The following CAMSAP3 variants were observed in gnomAD, a reference collection of about 807,000 sequenced individuals.
CAMSAP3 encodes the protein calmodulin regulated spectrin associated protein family member 3.
Under a neutral mutation model 112.5 loss-of-function variants are expected in CAMSAP3, and 34 were observed. The observed-to-expected ratio is 0.30, with a 90% CI of 0.23 to 0.40. CAMSAP3 has a LOEUF of 0.40. Among genes scored for constraint, CAMSAP3 ranks in the 10% least tolerant of loss-of-function variants. The pLI is 1.00. For synonymous variants in CAMSAP3, 868 were observed against 799.8 expected (o/e 1.09, Z -1.44); for missense variants, 1,602 against 1,770.3 (o/e 0.90, Z 1.71).
chr19:7,611,768 G>A lies in CAMSAP3; in HGVS notation c.1275G>A (p.Val425=). The A allele has an allele frequency of 6.3e-7, 1 of 1,592,542 alleles. No individual in the cohort carries two copies. The highest frequency in any genetic ancestry group is 8.6e-7 in the Non-Finnish European group (1 of 1,169,388). ...TGGATGTCGTCATGGGAGACCCTGT[G>A]CTCCTCCGCTCTGTGAGCTCGGACA... ...SDVDVVMGDP[V]LLRSVSSDSL... is the part of the protein sequence containing the mutation. Residue 425 remains valine, a synonymous_variant, in exon 11 of 17, where the codon GTG becomes GTA. Coordinates refer to ENST00000160298, the MANE Select transcript of CAMSAP3 (RefSeq NM_020902.2). This position sits in a 1 kb window ranked among gnomAD's most constrained non-coding sequence, Gnocchi z 6.9.
At position 7,599,128 on chromosome 19, in the gene CAMSAP3, G is replaced by A. The variant is rs145935066; in HGVS notation, c.148+2978G>A. On this transcript the variant is annotated intron_variant, in intron 1 of 16. Coordinates refer to ENST00000160298, the MANE Select transcript of CAMSAP3 (RefSeq NM_020902.2). ...CCAGGGTACAGTCAGCTATGATCAC[G>A]CCACTGCACTCCAGCCTGGGCAACA... Among the ~76,000 whole-genome samples the A allele has an allele frequency of 2.5e-3, 369 of 149,778 alleles. 3 individuals are homozygous for A. Among genetic ancestry groups the A allele is most frequent in the African/African-American group, 8.8e-3 (358 of 40,652 alleles).
In CAMSAP3 at chr19:7,611,695, T is replaced by C. The variant is rs1252624271; in HGVS notation, c.1202T>C (p.Leu401Pro). 2 of 1,557,828 alleles carry C rather than the reference T, an allele frequency of 1.3e-6. No homozygotes were observed. Among genetic ancestry groups the C allele is most frequent in the Non-Finnish European group, 1.7e-6 (2 of 1,149,252 alleles). ...TCCCTCCGGCCGCCCAGCCGTCCCC[T>C]CTCCCAGGCTGTGTCATTCAGCACC... ...KAWNRQLSRPLSQAVSFSTPF... is the reference protein window; with the variant it reads ...KAWNRQLSRPPSQAVSFSTPF... The change falls in exon 11 of 17, where the codon CTC (leucine) becomes CCC (proline). Residue 401 changes from leucine (L) to proline (P), a missense_variant. Leu to Pro is a moderately conservative substitution (Grantham distance 98). This residue lies in a region of CAMSAP3 where 1,100 missense variants were observed against 1,135.7 expected (regional missense o/e 0.97). Transcript: ENST00000160298. This position sits in a 1 kb window ranked among gnomAD's most constrained non-coding sequence, Gnocchi z 6.9.
At position 7,615,616 on chromosome 19, in the gene CAMSAP3, G is replaced by A. The variant is rs1041372505; in HGVS notation, c.3009G>A (p.Ala1003=). 9.7e-6 allele frequency: 14 copies of A among 1,448,452 alleles called. No homozygotes were observed. The African/African-American group carries it at 1.5e-4, about 15-fold the overall frequency. 89.7% of individuals were successfully genotyped at this position (1,448,452 alleles called of 1,614,324 possible). The change falls in exon 13 of 17, where the codon GCG becomes GCA. Residue 1003 remains alanine, a synonymous_variant. Coordinates refer to ENST00000160298, the MANE Select transcript of CAMSAP3 (RefSeq NM_020902.2). The surrounding 1 kb of genome is among the most constrained non-coding windows in gnomAD (Gnocchi z 6.5). ...DLDKVLRPRA[A]GSGGPGRGGR... ...ATAAGGTGCTGCGGCCCCGGGCTGC[G>A]GGGTCCGGGGGTCCAGGTCGGGGCG... is the stretch of plus-strand genomic sequence containing the variant.
Position 7,615,157 on chromosome 19 carries a change from TGGCTGGACTCGGC to T in CAMSAP3, c.2671-24_2671-12del, listed in dbSNP as rs1319045372. Reference sequence around the variant, plus strand: ...CAGCCATGTTGGGGGAGGGGGTGGCTGGCTGGACTCGGCGTCTGTCCCCAGGATGAAGACAAGC... The same window carrying T: ...CAGCCATGTTGGGGGAGGGGGTGGCTGTCTGTCCCCAGGATGAAGACAAGC... On this transcript the variant is annotated splice_polypyrimidine_tract_variant and intron_variant, in intron 11 of 16. Transcript: ENST00000160298. This position sits in a 1 kb window ranked among gnomAD's most constrained non-coding sequence, Gnocchi z 6.5. 6.4e-7 allele frequency: 1 copy of T among 1,553,108 alleles called. No individual in the cohort carries two copies. Among genetic ancestry groups the T allele is most frequent in the Non-Finnish European group, 8.7e-7 (1 of 1,148,608 alleles).
chr19:7,617,739 C>T lies in CAMSAP3; in HGVS notation c.3445-13C>T, dbSNP rs2030886650. 2 of 1,611,402 alleles carry T rather than the reference C, an allele frequency of 1.2e-6. No individual in the cohort carries two copies. Among genetic ancestry groups the T allele is most frequent in the Non-Finnish European group, 1.7e-6 (2 of 1,177,974 alleles). ...GACTTGGCCAGCTGACCATTTCCAG[C>T]ACTCCTGCCCAGGAAATTGAGAAAA... On this transcript the variant is annotated splice_polypyrimidine_tract_variant and intron_variant, in intron 16 of 16. Transcript: ENST00000160298. This position sits in a 1 kb window ranked among gnomAD's most constrained non-coding sequence, Gnocchi z 7.5.
intron 1 of CAMSAP3, among the ~76,000 whole-genome samples, chr19:7,601,607 G>A (rs1453592683): frequency 6.6e-6 from 1 of 152,060 alleles, no homozygotes; most frequent in Non-Finnish European, 1.5e-5. Flanking sequence ...GCCAGGTGTG[G>A]TAGCACATGC....
intron 13 of CAMSAP3, chr19:7,616,265 G>T (rs1194594092): frequency 2.1e-5 from 9 of 433,762 alleles, no homozygotes; most frequent in Middle Eastern, 6.5e-4. Context: ...TTCTTCTGTG[G>T]CTTCATGGAT....
intron 4 of CAMSAP3, 97 bp from the exon 5 acceptor site, chr19:7,608,029 C>T: frequency 6.8e-7 from 1 of 1,470,346 alleles, no homozygotes; most frequent in African/African-American, 1.4e-5. Context: ...TTCCCGCCCC[C>T]TCATGGCGGA....
chr19:7,605,793 C>T lies in CAMSAP3; in HGVS notation c.402+314C>T, dbSNP rs1025124718. 5.9e-5 allele frequency among the ~76,000 whole-genome samples: 9 copies of T among 151,402 alleles called. No individual in the cohort carries two copies. The South Asian group carries it at 1.0e-3, about 18-fold the overall frequency. On this transcript the variant is annotated intron_variant, in intron 2 of 16. Coordinates refer to ENST00000160298, the MANE Select transcript of CAMSAP3 (RefSeq NM_020902.2). ...CTTCCCTTAAGCTATGTCCATCAAA[C>T]CTAGCTCCTCCTATCATCAGTCTTG... is the stretch of plus-strand genomic sequence containing the variant.
rs762193493 is a variant in CAMSAP3 at position 7,612,908 on chromosome 19, C to G, written c.2415C>G (p.Asp805Glu). The G allele has an allele frequency of 5.0e-6, 8 of 1,609,660 alleles. No homozygotes were observed. Among genetic ancestry groups the G allele is most frequent in the Non-Finnish European group, 8.5e-7 (1 of 1,179,160 alleles). ...TRVLTPPHDV[D>E]SLPHLRKFSP... ...TGCTTACGCCACCCCACGACGTAGA[C>G]AGCCTCCCCCACCTGCGCAAGTTCT... is the stretch of plus-strand genomic sequence containing the variant. Residue 805 changes from aspartate to glutamate, a missense_variant, in exon 11 of 17, where the codon GAC becomes GAG. Transcript: ENST00000160298.
intron 2 of CAMSAP3, among the ~76,000 whole-genome samples, chr19:7,605,743 G>A (rs772691350): frequency 6.6e-6 from 1 of 151,108 alleles, no homozygotes; most frequent in Non-Finnish European, 1.5e-5. Flanking sequence ...TATCCATTAA[G>A]CCTAGCTCCT....
intron 11 of CAMSAP3, among the ~76,000 whole-genome samples, chr19:7,614,259 C>CAAAAAAAAAAAAAAAAAAAAAAAA (rs1173068955): frequency 1.6e-4 from 3 of 18,766 alleles, no homozygotes; most frequent in African/African-American, 2.6e-4. Flanking sequence ...GACTCCATCT[C>CAAAAAAAAAAAAAAAAAAAAAAAA]AAAAAAAAAA....
In CAMSAP3 at chr19:7,615,220, G is replaced by C; in HGVS notation, c.2708G>C (p.Arg903Pro). The change falls in exon 12 of 17, where the codon CGG (arginine) becomes CCG (proline). Residue 903 changes from arginine (R) to proline (P), a missense_variant. Transcript: ENST00000160298. This position sits in a 1 kb window ranked among gnomAD's most constrained non-coding sequence, Gnocchi z 6.5. The part of the protein sequence containing the change: ...DKPEDEMAQK[R>P]ASLLERQQRR... Reference sequence around the variant, plus strand: ...CCTGAGGACGAGATGGCCCAAAAGCGGGCCAGCCTGCTGGAGCGGCAGCAG... The same window carrying C: ...CCTGAGGACGAGATGGCCCAAAAGCCGGCCAGCCTGCTGGAGCGGCAGCAG... 1 of 1,552,726 alleles carries C rather than the reference G, an allele frequency of 6.4e-7. No individual in the cohort carries two copies.
chr19:7,615,086 G>A lies in CAMSAP3; in HGVS notation c.2671-97G>A. The A allele has an allele frequency of 6.9e-7, 1 of 1,439,494 alleles. No homozygotes were observed. Among genetic ancestry groups the A allele is most frequent in the Non-Finnish European group, 9.5e-7 (1 of 1,047,814 alleles). The allele number at this position is 1,439,494 out of a possible 1,614,324, so 89.2% of individuals were successfully genotyped here. A position where few individuals can be genotyped will look rare whatever the true frequency, so the allele number is the denominator to read the frequency against. On this transcript the variant is annotated intron_variant, in intron 11 of 16. Transcript: ENST00000160298. This position sits in a 1 kb window ranked among gnomAD's most constrained non-coding sequence, Gnocchi z 6.5. Reference sequence around the variant, plus strand: ...ATTTAGAACAATGATGAAAACAAAAGCACAGGTGGGTGGCGGGCAGGCTGG... The same window carrying A: ...ATTTAGAACAATGATGAAAACAAAAACACAGGTGGGTGGCGGGCAGGCTGG...
Position 7,613,067 on chromosome 19 carries a change from C to G in CAMSAP3, c.2574C>G (p.Asp858Glu). Residue 858 changes from aspartate to glutamate, a missense_variant, in exon 11 of 17, where the codon GAC becomes GAG. Asp to Glu is a conservative substitution (Grantham distance 45). Transcript: ENST00000160298. ...LGSLADPAAEDEGDGSPAGAE... is the reference protein window; with the variant it reads ...LGSLADPAAEEEGDGSPAGAE... ...GCCTGGCAGATCCCGCCGCCGAGGA[C>G]GAGGGAGACGGGAGCCCCGCTGGTG... 6.5e-7 allele frequency: 1 copy of G among 1,548,052 alleles called. No homozygotes were observed. Among genetic ancestry groups the G allele is most frequent in the Non-Finnish European group, 8.7e-7 (1 of 1,146,834 alleles).
Position 7,617,570 on chromosome 19 carries a change from C to T in CAMSAP3, c.3353C>T (p.Ala1118Val). ...TGPRLYKEPSAKSNKFIIHNA... is the reference protein window; with the variant it reads ...TGPRLYKEPSVKSNKFIIHNA... ...CCACGGCTGTACAAAGAACCCAGCG[C>T]CAAGTCCAACAAGTTCATCATCCAC... The change falls in exon 16 of 17, where the codon GCC becomes GTC. Residue 1118 changes from alanine to valine, a missense_variant. By Grantham distance (64) the Ala-to-Val change is moderately conservative. This residue lies in a region of CAMSAP3 where 150 missense variants were observed against 207.6 expected (regional missense o/e 0.72). Coordinates refer to ENST00000160298, the MANE Select transcript of CAMSAP3 (RefSeq NM_020902.2). This position sits in a 1 kb window ranked among gnomAD's most constrained non-coding sequence, Gnocchi z 7.5. 1.2e-6 allele frequency: 2 copies of T among 1,614,188 alleles called. No homozygotes were observed. The highest frequency in any genetic ancestry group is 2.2e-5 in the South Asian group (2 of 91,082).
intron 5 of CAMSAP3, among the ~76,000 whole-genome samples, chr19:7,609,909 A>C (rs367819643): frequency 2.0e-5 from 3 of 152,114 alleles, no homozygotes; most frequent in Admixed American, 1.3e-4. Context: ...GTGGTCCTGC[A>C]AGTGACGGGG....
chr19:7,610,905 C>T lies in CAMSAP3; in HGVS notation c.1023C>T (p.Ser341=), dbSNP rs946505255. The T allele has an allele frequency of 1.3e-6, 2 of 1,589,692 alleles. No homozygotes were observed. The highest frequency in any genetic ancestry group is 1.7e-6 in the Non-Finnish European group (2 of 1,167,674). Residue 341 remains serine (S), a synonymous_variant, in exon 8 of 17, where the codon TCC becomes TCT. Coordinates refer to ENST00000160298, the MANE Select transcript of CAMSAP3 (RefSeq NM_020902.2). The surrounding 1 kb of genome is among the most constrained non-coding windows in gnomAD (Gnocchi z 4.9). ...CCTCCCCCCGGGGCACTGAGGCCTC[C>T]CCACCTCAGAACAACAGCGGCAGTA... ...HAASPRGTEA[S]PPQNNSGSSS... is the part of the protein sequence containing the mutation.
chr19:7,611,506 G>A lies in CAMSAP3; in HGVS notation c.1124-11G>A, dbSNP rs574854825. The A allele has an allele frequency of 1.7e-5, 28 of 1,603,950 alleles. No homozygotes were observed. Among genetic ancestry groups the A allele is most frequent in the South Asian group, 4.4e-5 (4 of 89,972 alleles). On this transcript the variant is annotated splice_polypyrimidine_tract_variant and intron_variant, in intron 9 of 16. Coordinates refer to ENST00000160298, the MANE Select transcript of CAMSAP3 (RefSeq NM_020902.2). This position sits in a 1 kb window ranked among gnomAD's most constrained non-coding sequence, Gnocchi z 6.9. ...AGGGTCCCCATAGTGACCACTCATC[G>A]CCTCCCCCAGGCTCCCTGAAGTCTT...
Sources: allele counts gnomAD v4.1 joint callset (sites outside exome capture counted in the v4.1 genomes callset), GRCh38; gene constraint gnomAD v4.1.1; regional missense constraint gnomAD v4.1.1; non-coding constraint Gnocchi (gnomAD v3.1); transcripts MANE v1.5; gene names NCBI Gene and HGNC (gene_info 2026-07-23, HGNC 2026-07-21).